CNTNAP2: variants seen among roughly 807,000 people sequenced by gnomAD.
CNTNAP2 encodes the protein contactin-associated protein-like 2.
Under a neutral mutation model 155.2 loss-of-function variants are expected in CNTNAP2, and 98 were observed. The observed-to-expected ratio is 0.63, with a 90% CI of 0.54 to 0.75. The LOEUF (loss-of-function observed/expected upper bound fraction) is 0.75. Ranked by LOEUF, CNTNAP2 falls within the 30% of genes least tolerant of loss-of-function variation. The pLI is 0.00. For missense variants in CNTNAP2, 1,727 were observed against 1,688.1 expected, an observed-to-expected ratio of 1.02 and a Z score of -0.40; for synonymous variants, 651 against 631.2, an observed-to-expected ratio of 1.03 and a Z score of -0.47.
At chr7:147,998,620 G>T (rs1049053471) in intron 15 of CNTNAP2, among the ~76,000 whole-genome samples, 1 of 152,228 alleles carries the variant, frequency 6.6e-6, no homozygotes, top group Non-Finnish European at 1.5e-5. Flanking sequence ...CGTGGGGATT[G>T]GTGGAGTGGG....
At position 147,009,374 on chromosome 7, in the gene CNTNAP2, A is replaced by G. The variant is rs1291707985; in HGVS notation, c.403-34533A>G. On this transcript the variant is annotated intron_variant, in intron 3 of 23. Transcript: ENST00000361727. ...TCATGAACAAAAATCAAGCCATATA[A>G]TGTCTAACAAAATTGGTGGTTATTA... Among the ~76,000 whole-genome samples, 2 of 152,142 alleles carry G rather than the reference A, an allele frequency of 1.3e-5. 1 individual carries two copies. Among genetic ancestry groups the G allele is most frequent in the Non-Finnish European group, 2.9e-5 (2 of 68,004 alleles).
rs1417727629 is a variant in CNTNAP2 at position 146,851,211 on chromosome 7, C to T, written c.402+11307C>T. On this transcript the variant is annotated intron_variant, in intron 3 of 23. Transcript: ENST00000361727. ...TATTGGCTAGGCTGGTCTCGAACTC[C>T]TGACCTCTGGTGATTCACTAGCCTC... Among the ~76,000 whole-genome samples the T allele has an allele frequency of 4.6e-5, 7 of 152,214 alleles. No homozygotes were observed. In the East Asian group the frequency reaches 1.2e-3, roughly 25 times the overall value.
At position 148,043,554 on chromosome 7, in the gene CNTNAP2, A is replaced by G. The variant is rs542836794; in HGVS notation, c.2383+65565A>G. Among the ~76,000 whole-genome samples, 16 of 152,336 alleles carry G rather than the reference A, an allele frequency of 1.1e-4. 1 individual carries two copies. The highest frequency in any genetic ancestry group is 6.8e-3 in the Middle Eastern group (2 of 294). On this transcript the variant is annotated intron_variant, in intron 15 of 23. Coordinates refer to ENST00000361727, the MANE Select transcript of CNTNAP2 (RefSeq NM_014141.6). Reference sequence around the variant, plus strand: ...AAAGAATATCTTACAAAGGATAAGAAATCTTTTTTCTTCGGCTCTGTAGTT... The same window carrying G: ...AAAGAATATCTTACAAAGGATAAGAGATCTTTTTTCTTCGGCTCTGTAGTT...
chr7:147,693,929 G>A (rs1236430695), intron 13 of CNTNAP2, among the ~76,000 whole-genome samples: 1 of 152,008 alleles, frequency 6.6e-6, no homozygotes, highest in East Asian at 1.9e-4. Flanking sequence ...CCTGATCTTA[G>A]CAGGAGAACT....
At chr7:147,088,441 G>A (rs1247855750) in intron 4 of CNTNAP2, among the ~76,000 whole-genome samples, 1 of 152,078 alleles carries the variant, frequency 6.6e-6, no homozygotes, top group Non-Finnish European at 1.5e-5. Context: ...AAATTTTGAG[G>A]TTACAATCAG....
At chr7:148,213,078 G>A (rs1454332318) in intron 18 of CNTNAP2, among the ~76,000 whole-genome samples, 1 of 152,140 alleles carries the variant, frequency 6.6e-6, no homozygotes, top group Admixed American at 6.5e-5. Flanking sequence ...AACGCATCAT[G>A]TCTCACCCAG....
chr7:147,526,191 CAAAA>C (rs200655145), intron 11 of CNTNAP2, among the ~76,000 whole-genome samples: 4 of 63,786 alleles, frequency 6.3e-5, no homozygotes, highest in East Asian at 9.5e-4. Context: ...GACTCCATCT[CAAAA>C]AAAAAAAAAA....
intron 13 of CNTNAP2, among the ~76,000 whole-genome samples, chr7:147,641,868 A>G (rs117989509): frequency 6.6e-6 from 1 of 152,244 alleles, no homozygotes; most frequent in South Asian, 2.1e-4. Context: ...CACTCAATCT[A>G]TGGTATTTTG....
chr7:148,127,858 T>A (rs916257975), intron 16 of CNTNAP2, among the ~76,000 whole-genome samples: 1 of 152,128 alleles, frequency 6.6e-6, no homozygotes, highest in African/African-American at 2.4e-5. Context: ...AGCACCTGGA[T>A]TTTTCACACA....
chr7:147,134,337 C>A (rs1801436589), intron 8 of CNTNAP2, among the ~76,000 whole-genome samples: 1 of 151,746 alleles, frequency 6.6e-6, no homozygotes, highest in Non-Finnish European at 1.5e-5. Flanking sequence ...ACAGTTAATT[C>A]ACCTTAATAG....
intron 20 of CNTNAP2, among the ~76,000 whole-genome samples, chr7:148,241,945 G>T (rs73170573): frequency 0.043 from 6,535 of 152,280 alleles, 157 homozygotes; most frequent in Admixed American, 0.047. Context: ...CAGTTGCAAT[G>T]CAATTTCTGA....
At chr7:147,636,219 G>A (rs1044080382) in intron 12 of CNTNAP2, among the ~76,000 whole-genome samples, 8 of 152,098 alleles carry the variant, frequency 5.3e-5, no homozygotes, top group African/African-American at 1.9e-4. Flanking sequence ...CACTGTAACT[G>A]AACTTTTCTG....
chr7:147,836,832 T>C (rs1798641700), intron 13 of CNTNAP2, among the ~76,000 whole-genome samples: 1 of 152,234 alleles, frequency 6.6e-6, no homozygotes, highest in Non-Finnish European at 1.5e-5. Context: ...CTGTTCTGTT[T>C]CCAACATATA....
At chr7:146,199,604 T>C (rs1020596318) in intron 1 of CNTNAP2, among the ~76,000 whole-genome samples, 3 of 152,216 alleles carry the variant, frequency 2.0e-5, no homozygotes, top group Non-Finnish European at 2.9e-5. Context: ...CCCTTTTTAC[T>C]TGTATACAAA....
chr7:148,359,490 C>T (rs1381379078), intron 21 of CNTNAP2, among the ~76,000 whole-genome samples: 1 of 152,172 alleles, frequency 6.6e-6, no homozygotes, highest in Non-Finnish European at 1.5e-5. Context: ...GTGACATAGT[C>T]ATTCTTTGTA....
intron 15 of CNTNAP2, among the ~76,000 whole-genome samples, chr7:148,115,152 T>C (rs1474537307): frequency 6.6e-6 from 1 of 152,230 alleles, no homozygotes; most frequent in Non-Finnish European, 1.5e-5. Context: ...TTAGTGAGCA[T>C]AGAATTAGAA....
At chr7:147,808,499 T>G (rs1245954340) in intron 13 of CNTNAP2, among the ~76,000 whole-genome samples, 1 of 152,228 alleles carries the variant, frequency 6.6e-6, no homozygotes, top group East Asian at 1.9e-4. Flanking sequence ...GCACTCATTC[T>G]CTAGATTTGA....
chr7:147,854,415 C>T (rs1411392818), intron 13 of CNTNAP2, among the ~76,000 whole-genome samples: 1 of 152,184 alleles, frequency 6.6e-6, no homozygotes, highest in East Asian at 1.9e-4. Flanking sequence ...AAGTGTCAGA[C>T]AGAAATCAAA....
At position 148,352,530 on chromosome 7, in the gene CNTNAP2, G is replaced by A. The variant is rs538366414; in HGVS notation, c.3476-31119G>A. Among the ~76,000 whole-genome samples the A allele has an allele frequency of 9.2e-5, 14 of 152,322 alleles. No individual in the cohort carries two copies. The East Asian group carries it at 1.9e-3, about 21-fold the overall frequency. On this transcript the variant is annotated intron_variant, in intron 21 of 23. Coordinates refer to ENST00000361727, the MANE Select transcript of CNTNAP2 (RefSeq NM_014141.6). ...GCCAATGTGAATGTGCCGCCAAATT[G>A]GACCTGGTTATATTTGTGGGGACCC...
Sources: allele counts gnomAD v4.1 joint callset (sites outside exome capture counted in the v4.1 genomes callset), GRCh38; gene constraint gnomAD v4.1.1; transcripts MANE v1.5; gene names NCBI Gene and HGNC (gene_info 2026-07-23, HGNC 2026-07-21).